Variants in ZNF7 observed in about 807,000 individuals in gnomAD.
ZNF7 encodes the protein C2-H2 type zinc finger protein.
Under a neutral mutation model 12.0 loss-of-function variants are expected in ZNF7, and 10 were observed. The observed-to-expected ratio is 0.83, with a 90% confidence interval of 0.51 to 1.42. The LOEUF (loss-of-function observed/expected upper bound fraction) is 1.42. Ranked by LOEUF, ZNF7 falls within the 40% of genes most tolerant of loss-of-function variation. The pLI is 0.00. For synonymous variants in ZNF7, 334 were observed against 295.0 expected, an observed-to-expected ratio of 1.13 and a Z score of -1.35; for missense variants, 854 against 837.2, an observed-to-expected ratio of 1.02 and a Z score of -0.25.
chr8:144,831,472 G>T lies in ZNF7; in HGVS notation c.130+1868G>T, dbSNP rs2736649. 0.016 allele frequency among the ~76,000 whole-genome samples: 2,376 copies of T among 152,286 alleles called. 199 individuals carry two copies. The East Asian group carries it at 0.23, about 15-fold the overall frequency. On this transcript the variant is annotated intron_variant, in intron 3 of 4. Transcript: ENST00000532777. ...AATTCCTAGATGCGTCCAAGAGATGGGAAAGGGTTTTATAAAAACACTATC... is the reference window on the plus strand; with the variant it reads ...AATTCCTAGATGCGTCCAAGAGATGTGAAAGGGTTTTATAAAAACACTATC...
downstream of ZNF7, among the ~76,000 whole-genome samples, chr8:144,844,732 A>AC (rs1441825043): frequency 3.0e-5 from 4 of 135,290 alleles, 1 homozygote; most frequent in African/African-American, 8.2e-5. Context: ...AAAAAAAAAA[A>AC]AAAACGAAAA....
chr8:144,841,726 G>A lies in ZNF7; in HGVS notation c.619G>A (p.Ala207Thr). The A allele has an allele frequency of 6.2e-7, 1 of 1,614,128 alleles. No homozygotes were observed. Among genetic ancestry groups the A allele is most frequent in the South Asian group, 1.1e-5 (1 of 91,088 alleles). The change falls in exon 5 of 5, where the codon GCC (alanine) becomes ACC (threonine). Residue 207 changes from alanine to threonine, a missense_variant. Ala to Thr is a moderately conservative substitution (Grantham distance 58). Coordinates refer to ENST00000532777, the MANE Select transcript of ZNF7 (RefSeq NM_003416.4). Reference protein sequence around the residue: ...RCEECGKGIRATSDIALHWEI... With the variant: ...RCEECGKGIRTTSDIALHWEI... ...CGAGGAGTGTGGCAAAGGCATCAGA[G>A]CCACTTCAGATATCGCTCTGCATTG...
In ZNF7 at chr8:144,841,899, G is replaced by T; in HGVS notation, c.792G>T (p.Gln264His). The T allele has an allele frequency of 6.2e-7, 1 of 1,614,114 alleles. No individual in the cohort carries two copies. Among genetic ancestry groups the T allele is most frequent in the Non-Finnish European group, 8.5e-7 (1 of 1,180,008 alleles). ...GGAAAGTCTTCAGGCTCTGCTCGCA[G>T]CTTAATCAGCATCAGAGAATCCACA... ...ECGKVFRLCS[Q>H]LNQHQRIHTG... The change falls in exon 5 of 5, where the codon CAG becomes CAT. Residue 264 changes from glutamine (Q) to histidine (H), a missense_variant. By Grantham distance (24) the Gln-to-His change is conservative. Coordinates refer to ENST00000532777, the MANE Select transcript of ZNF7 (RefSeq NM_003416.4).
In ZNF7 at chr8:144,837,474, G is replaced by A. The variant is rs1282973398; in HGVS notation, c.214G>A (p.Glu72Lys). Residue 72 changes from glutamate to lysine, a missense_variant, in exon 4 of 5, where the codon GAG becomes AAG. Glu to Lys is a moderately conservative substitution (Grantham distance 56, BLOSUM62 1). Coordinates refer to ENST00000532777, the MANE Select transcript of ZNF7 (RefSeq NM_003416.4). ...EPWVLDLQGA[E>K]GTEAPRTSKT... ...ATGGGTCCTCGACCTGCAGGGAGCA[G>A]AGGGGACAGAGGCACCAAGGACCTC... 1.6e-5 allele frequency: 26 copies of A among 1,611,926 alleles called. No homozygotes were observed. The highest frequency in any genetic ancestry group is 2.2e-5 in the Non-Finnish European group (26 of 1,178,364).
In ZNF7 at chr8:144,842,241, C is replaced by A; in HGVS notation, c.1134C>A (p.Ala378=). 1 of 1,613,966 alleles carries A rather than the reference C, an allele frequency of 6.2e-7. No individual in the cohort carries two copies. ...CCTTCAGCCAGAGCTCCACCCTAGC[C>A]CAGCATCAAAGGATGCATACTGGGG... is the stretch of plus-strand genomic sequence containing the variant. ...GKAFSQSSTL[A]QHQRMHTGEK... is the part of the protein sequence containing the mutation. Residue 378 remains alanine (A), a synonymous_variant, in exon 5 of 5, where the codon GCC becomes GCA. Transcript: ENST00000532777.
chr8:144,840,607 G>A (rs777900996), intron 4 of ZNF7, among the ~76,000 whole-genome samples: 6 of 152,204 alleles, frequency 3.9e-5, no homozygotes, highest in Admixed American at 6.5e-5. Context: ...TTACAGAGTA[G>A]GACAGAAGCC....
rs1340318072 is a variant in ZNF7 at position 144,843,149 on chromosome 8, A to T, written c.2042A>T (p.Gln681Leu). The T allele has an allele frequency of 1.3e-6, 2 of 1,590,982 alleles. No individual in the cohort carries two copies. Among genetic ancestry groups the T allele is most frequent in the Non-Finnish European group, 1.7e-6 (2 of 1,170,910 alleles). ...CGTAGCTCAAGGCTTACCCAGCATC[A>T]AAAAATTCACATGGGATAGACCACT... ...FNRSSRLTQHQKIHMG is the reference protein window; with the variant it reads ...FNRSSRLTQHLKIHMG The change falls in exon 5 of 5, where the codon CAA becomes CTA. Residue 681 changes from glutamine to leucine, a missense_variant. Coordinates refer to ENST00000532777, the MANE Select transcript of ZNF7 (RefSeq NM_003416.4).
downstream of ZNF7, chr8:144,846,145 A>G (rs1830501107): frequency 1.3e-6 from 2 of 1,536,092 alleles, no homozygotes; most frequent in East Asian, 2.4e-5. Context: ...ATCAGGACAG[A>G]AGGAGGGGAA....
rs144376530 is a variant in ZNF7 at position 144,838,002 on chromosome 8, T to C, written c.247+495T>C. On this transcript the variant is annotated intron_variant, in intron 4 of 4. Coordinates refer to ENST00000532777, the MANE Select transcript of ZNF7 (RefSeq NM_003416.4). ...CTTAAAACAACAGAAATTTATTGTC[T>C]CACAGCTGTGGAGGCCGGAAATCTG... 197 of 693,064 alleles carry C rather than the reference T, an allele frequency of 2.8e-4. 1 individual carries two copies. In the East Asian group the frequency reaches 5.2e-3, roughly 18 times the overall value. 42.9% of individuals were successfully genotyped at this position (693,064 alleles called of 1,614,324 possible). A position where few individuals can be genotyped will look rare whatever the true frequency, so the allele number is the denominator to read the frequency against.
chr8:144,837,464 G>T lies in ZNF7; in HGVS notation c.204G>T (p.Leu68=). 1 of 1,613,136 alleles carries T rather than the reference G, an allele frequency of 6.2e-7. No homozygotes were observed. The highest frequency in any genetic ancestry group is 8.5e-7 in the Non-Finnish European group (1 of 1,179,224). The part of the protein sequence containing the change: ...EQGEEPWVLD[L]QGAEGTEAPR... Reference sequence around the variant, plus strand: ...GAGAAGAGCCATGGGTCCTCGACCTGCAGGGAGCAGAGGGGACAGAGGCAC... The same window carrying T: ...GAGAAGAGCCATGGGTCCTCGACCTTCAGGGAGCAGAGGGGACAGAGGCAC... The change falls in exon 4 of 5, where the codon CTG becomes CTT. Residue 68 remains leucine (L), a synonymous_variant. Coordinates refer to ENST00000532777, the MANE Select transcript of ZNF7 (RefSeq NM_003416.4).
At chr8:144,840,767 C>T (rs1319419608) in intron 4 of ZNF7, among the ~76,000 whole-genome samples, 1 of 152,106 alleles carries the variant, frequency 6.6e-6, no homozygotes, top group East Asian at 1.9e-4. Context: ...TGGCCAGGTG[C>T]AAGTTGGCAG....
intron 3 of ZNF7, 127 bp from the exon 4 acceptor site, chr8:144,837,264 T>A: frequency 1.4e-6 from 1 of 693,520 alleles, no homozygotes; most frequent in East Asian, 2.5e-5. Flanking sequence ...CCACTCTCCC[T>A]GCAGGAGCTT....
chr8:144,837,452 G>A lies in ZNF7; in HGVS notation c.192G>A (p.Trp64Ter). The A allele has an allele frequency of 6.2e-7, 1 of 1,613,192 alleles. No homozygotes were observed. The highest frequency in any genetic ancestry group is 1.1e-5 in the South Asian group (1 of 91,040). Reference protein sequence around the residue: ...ISRLEQGEEPWVLDLQGAEGT... With the variant: ...ISRLEQGEEP Reference sequence around the variant, plus strand: ...GGCTGGAGCAGGGAGAAGAGCCATGGGTCCTCGACCTGCAGGGAGCAGAGG... The same window carrying A: ...GGCTGGAGCAGGGAGAAGAGCCATGAGTCCTCGACCTGCAGGGAGCAGAGG... Residue 64 changes from tryptophan (W) to a stop codon, truncating the protein, a stop_gained, in exon 4 of 5, where the codon TGG (tryptophan) becomes TGA (stop). Transcript: ENST00000532777. LOFTEE classifies it high-confidence loss of function.
At chr8:144,846,403 C>A (rs973338680), downstream of ZNF7, 5 of 524,112 alleles carry the variant, frequency 9.5e-6, no homozygotes, top group African/African-American at 7.6e-5. Context: ...ATGTTAAAAT[C>A]GAATTTGACT....
At position 144,842,975 on chromosome 8, in the gene ZNF7, G is replaced by A. The variant is rs150360233; in HGVS notation, c.1868G>A (p.Ser623Asn). The part of the protein sequence containing the change: ...GNALEGSTFV[S>N]RKKVNTIKKL... Reference sequence around the variant, plus strand: ...GCCCTGGAAGGGTCCACCTTTGTGAGCCGTAAAAAGGTTAATACTATAAAG... The same window carrying A: ...GCCCTGGAAGGGTCCACCTTTGTGAACCGTAAAAAGGTTAATACTATAAAG... Residue 623 changes from serine (S) to asparagine (N), a missense_variant, in exon 5 of 5, where the codon AGC (serine) becomes AAC (asparagine). Transcript: ENST00000532777. The A allele has an allele frequency of 8.7e-6, 14 of 1,614,104 alleles. No homozygotes were observed. Among genetic ancestry groups the A allele is most frequent in the Non-Finnish European group, 1.2e-5 (14 of 1,180,046 alleles).
At chr8:144,829,261 A>G in intron 2 of ZNF7, 171 bp downstream of exon 2, 1 of 1,535,500 alleles carries the variant, frequency 6.5e-7, no homozygotes. Context: ...CCAGGGCCTA[A>G]TTGAGGCTCT....
chr8:144,840,161 T>A (rs1008515122), intron 4 of ZNF7, among the ~76,000 whole-genome samples: 4 of 152,216 alleles, frequency 2.6e-5, no homozygotes, highest in African/African-American at 9.7e-5. Flanking sequence ...CAAGCCCTGT[T>A]GAAAGAGCAG....
At chr8:144,837,600 G>T in intron 4 of ZNF7, 93 bp downstream of exon 4, 1 of 874,898 alleles carries the variant, frequency 1.1e-6, no homozygotes, top group South Asian at 1.7e-5. Flanking sequence ...GTGAGTCGCG[G>T]GGGCTACACT....
chr8:144,828,451 C>T (rs545700427), intron 1 of ZNF7, among the ~76,000 whole-genome samples: 8 of 144,018 alleles, frequency 5.6e-5, no homozygotes, highest in Admixed American at 1.4e-4. Context: ...CACTGCCTTC[C>T]CCAACCTCCA....
Sources: gnomAD v4.1 joint callset for allele counts (sites outside exome capture counted in the v4.1 genomes callset) on GRCh38, gnomAD v4.1.1 for gene constraint, MANE v1.5 for transcripts, NCBI Gene and HGNC (gene_info 2026-07-23, HGNC 2026-07-21) for gene names.